PTAR1: variants seen among roughly 807,000 people sequenced by gnomAD.
PTAR1 encodes protein prenyltransferase alpha subunit repeat containing 1.
Under a neutral mutation model 45.5 loss-of-function variants are expected in PTAR1, and 17 were observed. The ratio of observed to expected loss-of-function variants is 0.37; its 90% CI spans 0.26 to 0.56. PTAR1 has a LOEUF of 0.56. Among genes scored for constraint, PTAR1 ranks in the 20% least tolerant of loss-of-function variants. The pLI, the probability that PTAR1 is intolerant of heterozygous loss-of-function variation, is 0.77. For missense variants in PTAR1, 391 were observed against 476.3 expected, an observed-to-expected ratio of 0.82 and a Z score of 1.67; for synonymous variants, 169 against 171.3, an observed-to-expected ratio of 0.99 and a Z score of 0.11.
chr9:69,730,999 C>T (rs1825509086), intron 5 of PTAR1, among the ~76,000 whole-genome samples: 1 of 152,046 alleles, frequency 6.6e-6, no homozygotes, highest in Admixed American at 6.6e-5. Context: ...CCTTGCTTTC[C>T]ACATATAGGT....
At chr9:69,755,294 T>C (rs1826723097) in intron 1 of PTAR1, among the ~76,000 whole-genome samples, 1 of 152,166 alleles carries the variant, frequency 6.6e-6, no homozygotes, top group South Asian at 2.1e-4. Context: ...TTACTTAAGA[T>C]CAAAGTATGA....
At chr9:69,730,688 G>A (rs1186424750) in intron 5 of PTAR1, among the ~76,000 whole-genome samples, 1 of 150,198 alleles carries the variant, frequency 6.7e-6, no homozygotes, top group Non-Finnish European at 1.5e-5. Context: ...GTAATTGTTG[G>A]TCTACTTTCT....
chr9:69,754,111 T>C (rs1295414908), intron 1 of PTAR1, among the ~76,000 whole-genome samples: 1 of 152,194 alleles, frequency 6.6e-6, no homozygotes, highest in Non-Finnish European at 1.5e-5. Context: ...TTCCAAATAA[T>C]AGTGTGTTTG....
At chr9:69,756,366 T>C (rs938736805) in intron 1 of PTAR1, among the ~76,000 whole-genome samples, 2 of 152,222 alleles carry the variant, frequency 1.3e-5, no homozygotes, top group African/African-American at 4.8e-5. Flanking sequence ...TTACTTTTTA[T>C]GACTCTTTTC....
intron 5 of PTAR1, among the ~76,000 whole-genome samples, chr9:69,724,297 T>C (rs190040203): frequency 1.3e-5 from 2 of 152,308 alleles, no homozygotes; most frequent in African/African-American, 4.8e-5. Flanking sequence ...CAGCAAATTG[T>C]TTAAATCTTT....
intron 3 of PTAR1, among the ~76,000 whole-genome samples, chr9:69,737,983 A>AT (rs1236659900): frequency 2.6e-5 from 4 of 152,148 alleles, no homozygotes; most frequent in Non-Finnish European, 5.9e-5. Context: ...ATATTGATAT[A>AT]TTTTTATTAA....
intron 3 of PTAR1, among the ~76,000 whole-genome samples, chr9:69,737,978 GAT>G (rs1825868925): frequency 6.6e-6 from 1 of 152,040 alleles, no homozygotes; most frequent in African/African-American, 2.4e-5. Context: ...TATTGATATT[GAT>G]ATATTTTTAT....
chr9:69,716,266 G>T lies in PTAR1; in HGVS notation c.*2076C>A, dbSNP rs534809652. 2 of 152,098 alleles carry T rather than the reference G, an allele frequency of 1.3e-5. No homozygotes were observed. Among genetic ancestry groups the T allele is most frequent in the South Asian group, 2.1e-4 (1 of 4,814 alleles). The allele number at this position is 152,098 out of a possible 1,614,324, so 9.4% of individuals were successfully genotyped here. A position where few individuals can be genotyped will look rare whatever the true frequency, so the allele number is the denominator to read the frequency against. On this transcript the variant is annotated 3_prime_UTR_variant, in exon 8 of 8. Transcript: ENST00000340434. ...GTAGTTTGCCCCCAAACACTCACAG[G>T]AGCTAAAAATCATAAACTTATGATT... is the stretch of plus-strand genomic sequence containing the variant.
At chr9:69,719,767 TTG>T (rs1347291158) in intron 6 of PTAR1, among the ~76,000 whole-genome samples, 1 of 152,214 alleles carries the variant, frequency 6.6e-6, no homozygotes, top group African/African-American at 2.4e-5. Flanking sequence ...TGGTCACTTT[TTG>T]TCTGTGTCAC....
chr9:69,745,788 G>A (rs563703749), intron 2 of PTAR1, among the ~76,000 whole-genome samples: 149 of 152,190 alleles, frequency 9.8e-4, no homozygotes, highest in Non-Finnish European at 1.9e-3. Context: ...TATATTAGAT[G>A]ATTAAATCCT....
intron 2 of PTAR1, among the ~76,000 whole-genome samples, chr9:69,749,547 A>T (rs1468762859): frequency 6.6e-6 from 1 of 152,112 alleles, no homozygotes; most frequent in Non-Finnish European, 1.5e-5. Context: ...GGCTATGGCT[A>T]AACTTAGGCA....
Position 69,750,793 on chromosome 9 carries a change from G to T in PTAR1, c.244C>A (p.Leu82Met). 6.2e-7 allele frequency: 1 copy of T among 1,606,600 alleles called. No individual in the cohort carries two copies. Among genetic ancestry groups the T allele is most frequent in the Non-Finnish European group, 8.5e-7 (1 of 1,176,932 alleles). Residue 82 changes from leucine to methionine, a missense_variant, in exon 2 of 8, where the codon CTG becomes ATG. Leu to Met is a conservative substitution (Grantham distance 15). This residue lies in a region of PTAR1 where 152 missense variants were observed against 160.0 expected (regional missense o/e 0.95). Coordinates refer to ENST00000340434, the MANE Select transcript of PTAR1 (RefSeq NM_001099666.2). ...LLLYRTRKQW[L>M]NRDELIDVTC... ...GATTCATACTTACCATCTCTGTTCA[G>T]CCATTGCTTTCTTGTTCTGTACAAA...
At chr9:69,730,502 T>C (rs1319322977) in intron 5 of PTAR1, among the ~76,000 whole-genome samples, 1 of 150,792 alleles carries the variant, frequency 6.6e-6, no homozygotes, top group Non-Finnish European at 1.5e-5. Flanking sequence ...CCACACACTA[T>C]CAAGTCATGG....
chr9:69,736,414 G>A (rs1180803496), intron 3 of PTAR1, among the ~76,000 whole-genome samples: 1 of 152,152 alleles, frequency 6.6e-6, no homozygotes, highest in East Asian at 1.9e-4. Context: ...AAAATTAGCT[G>A]GGCATGGTGG....
chr9:69,738,997 G>A (rs1429115015), intron 3 of PTAR1, among the ~76,000 whole-genome samples: 1 of 151,908 alleles, frequency 6.6e-6, no homozygotes, highest in African/African-American at 2.4e-5. Context: ...TAGTAGAGAT[G>A]GGGTTTCACC....
Position 69,718,492 on chromosome 9 carries a change from G to T in PTAR1, c.1059C>A (p.Thr353=). 6.2e-7 allele frequency: 1 copy of T among 1,613,764 alleles called. No individual in the cohort carries two copies. The highest frequency in any genetic ancestry group is 8.5e-7 in the Non-Finnish European group (1 of 1,179,726). ...DSSKQGYSQE[T]KRLKRTPVPD... ...GAACTGGCGTCCGCTTCAGGCGTTT[G>T]GTTTCCTGGGAATAGCCTTGCTTGC... Residue 353 remains threonine (T), a synonymous_variant, in exon 8 of 8, where the codon ACC becomes ACA. Transcript: ENST00000340434.
At position 69,730,155 on chromosome 9, in the gene PTAR1, G is replaced by C. The variant is rs528423081; in HGVS notation, c.642+1984C>G. 3.3e-5 allele frequency among the ~76,000 whole-genome samples: 5 copies of C among 152,182 alleles called. No homozygotes were observed. In the South Asian group the frequency reaches 6.2e-4, roughly 19 times the overall value. On this transcript the variant is annotated intron_variant, in intron 5 of 7. Coordinates refer to ENST00000340434, the MANE Select transcript of PTAR1 (RefSeq NM_001099666.2). ...ATTTAGGACTCCTCACTGACAACAA[G>C]AGCAAGAGATGTTGCAGTGGCAAGT...
intron 7 of PTAR1, 33 bp downstream of exon 7, chr9:69,718,617 G>T (rs1388910145): frequency 6.8e-6 from 11 of 1,613,054 alleles, no homozygotes; most frequent in Non-Finnish European, 8.5e-6. Flanking sequence ...CTGTCTGCAG[G>T]TGACAACTGG....
intron 6 of PTAR1, among the ~76,000 whole-genome samples, chr9:69,721,606 T>G (rs1258525440): frequency 1.3e-5 from 2 of 152,146 alleles, no homozygotes; most frequent in African/African-American, 2.4e-5. Context: ...CAGAGAAATC[T>G]TTCATGAAAG....
Sources: allele counts gnomAD v4.1 joint callset (sites outside exome capture counted in the v4.1 genomes callset), GRCh38; gene constraint gnomAD v4.1.1; regional missense constraint gnomAD v4.1.1; transcripts MANE v1.5; gene names NCBI Gene and HGNC (gene_info 2026-07-23, HGNC 2026-07-21).